The following PIEZO1 variants were observed in gnomAD, a reference collection of about 807,000 sequenced individuals.
The protein encoded by PIEZO1 is piezo-type mechanosensitive ion channel component 1.
PIEZO1 carries 296 observed loss-of-function variants against 297.2 expected under a neutral mutation model. The observed-to-expected ratio is 1.00, with a 90% CI of 0.91 to 1.10. The LOEUF is 1.10. Among genes scored for constraint, PIEZO1 ranks in the 50% least tolerant of loss-of-function variants. The pLI is 0.00. For synonymous variants in PIEZO1, 2,427 were observed against 1,507.5 expected, an observed-to-expected ratio of 1.61 and a Z score of -14.13; for missense variants, 5,018 against 3,455.5, an observed-to-expected ratio of 1.45 and a Z score of -11.34.
At chr16:88,758,968 CT>C (rs1423995374) in intron 1 of PIEZO1, among the ~76,000 whole-genome samples, 34 of 152,250 alleles carry the variant, frequency 2.2e-4, no homozygotes, top group African/African-American at 7.2e-4. Flanking sequence ...GACAAAAAGG[CT>C]GAGGAAGATC....
chr16:88,717,362 T>C (rs1483451614), intron 44 of PIEZO1, 151 bp from the exon 45 acceptor site: 5 of 690,996 alleles, frequency 7.2e-6, no homozygotes, highest in African/African-American at 7.0e-5. Context: ...CACAGGCCAG[T>C]GGAGTAGAAC....
chr16:88,757,070 C>T (rs967162109), intron 1 of PIEZO1, among the ~76,000 whole-genome samples: 14 of 152,086 alleles, frequency 9.2e-5, no homozygotes, highest in Admixed American at 2.6e-4. Flanking sequence ...AGCGAGACTC[C>T]GTCTCAAAAC....
chr16:88,726,282 G>T lies in PIEZO1; in HGVS notation c.3968+2C>A. On this transcript the variant is annotated splice_donor_variant, in intron 27 of 50. Coordinates refer to ENST00000301015, the MANE Select transcript of PIEZO1 (RefSeq NM_001142864.4). LOFTEE classifies it high-confidence loss of function. Reference sequence around the variant, plus strand: ...CTGGGCTGTGTCTGGGCCCAAGCTTGCCTGGAGGCTAGCAGGGCGGTGGCC... The same window carrying T: ...CTGGGCTGTGTCTGGGCCCAAGCTTTCCTGGAGGCTAGCAGGGCGGTGGCC... 1.9e-6 allele frequency: 3 copies of T among 1,546,448 alleles called. No individual in the cohort carries two copies. Among genetic ancestry groups the T allele is most frequent in the Middle Eastern group, 1.8e-4 (1 of 5,542 alleles).
intron 33 of PIEZO1, 25 bp downstream of exon 33, chr16:88,723,070 A>G (rs1419851223): frequency 1.9e-6 from 3 of 1,545,040 alleles, no homozygotes; most frequent in Non-Finnish European, 8.7e-7. Context: ...GAGACCTCCC[A>G]CTCCCCAGCC....
Position 88,724,479 on chromosome 16 carries a change from C to A in PIEZO1, c.4235-508G>T, listed in dbSNP as rs547242728. Among the ~76,000 whole-genome samples the A allele has an allele frequency of 4.0e-5, 6 of 149,864 alleles. No homozygotes were observed. In the South Asian group the frequency reaches 1.3e-3, roughly 32 times the overall value. ...CTGGGAGGTGGGGGTTGTAGTGAGC[C>A]GCAATCACGCCATTGCACTGTAGCC... On this transcript the variant is annotated intron_variant, in intron 30 of 50. Transcript: ENST00000301015.
At position 88,738,577 on chromosome 16, in the gene PIEZO1, CA is replaced by C; in HGVS notation, c.624del (p.Ala209HisfsTer147). 1 of 1,535,208 alleles carries C rather than the reference CA, an allele frequency of 6.5e-7. No individual in the cohort carries two copies. Among genetic ancestry groups the C allele is most frequent in the Non-Finnish European group, 8.7e-7 (1 of 1,146,442 alleles). On this transcript the variant is annotated frameshift_variant, in exon 6 of 51. Coordinates refer to ENST00000301015, the MANE Select transcript of PIEZO1 (RefSeq NM_001142864.4). LOFTEE classifies it high-confidence loss of function. Reference sequence around the variant, plus strand: ...CTGCCTCGGTGCGTACCTGCCAGTGCAAGCAGTGTTACGGCCAGGACCCGCC... The same window carrying C: ...CTGCCTCGGTGCGTACCTGCCAGTGCAGCAGTGTTACGGCCAGGACCCGCC... ...AAGRVLAVTL[L>X]ALAGIAHPSA...
intron 1 of PIEZO1, among the ~76,000 whole-genome samples, chr16:88,765,596 T>G (rs555838952): frequency 6.6e-6 from 1 of 151,666 alleles, no homozygotes; most frequent in East Asian, 1.9e-4. Flanking sequence ...CTCGTATAGC[T>G]GGCAAGGGGC....
rs1055103374 is a variant in PIEZO1, at chr16:88,719,954, G to T, written c.6171C>A (p.Phe2057Leu). 1.3e-6 allele frequency: 2 copies of T among 1,550,134 alleles called. No individual in the cohort carries two copies. Among genetic ancestry groups the T allele is most frequent in the African/African-American group, 1.4e-5 (1 of 73,026 alleles). The change falls in exon 43 of 51, where the codon TTC (phenylalanine) becomes TTA (leucine). Residue 2057 changes from phenylalanine (F) to leucine (L), a missense_variant. Transcript: ENST00000301015. ...FILPAVTERM[F>L]NQNVVAQLWY... ...AGAGCTGGGCCACCACATTCTGGTT[G>T]AACATCCTGGGGCGGGATGGCCAGG...
chr16:88,719,453 AT>A, intron 44 of PIEZO1, 120 bp downstream of exon 44: 1 of 921,446 alleles, frequency 1.1e-6, no homozygotes, highest in Non-Finnish European at 1.6e-6. Context: ...TCATGTCCCC[AT>A]GGGCTCCGAG....
intron 44 of PIEZO1, 88 bp from the exon 45 acceptor site, chr16:88,717,299 G>A: frequency 8.0e-7 from 1 of 1,251,654 alleles, no homozygotes; most frequent in Non-Finnish European, 1.1e-6. Flanking sequence ...CAGCAGCCCA[G>A]AAAAGCCCCA....
rs372159659 is a variant in PIEZO1, at chr16:88,721,601, G to C, written c.5340C>G (p.Asp1780Glu). 36 of 1,550,160 alleles carry C rather than the reference G, an allele frequency of 2.3e-5. No individual in the cohort carries two copies. Among genetic ancestry groups the C allele is most frequent in the South Asian group, 8.3e-5 (7 of 84,062 alleles). ...PPRILGLEKTDGYIKYDLVQL... is the reference protein window; with the variant it reads ...PPRILGLEKTEGYIKYDLVQL... ...GCACCAGGTCGTACTTGATGTAGCC[G>C]TCAGTCTTCTCCAGGCCCAGGATGC... Residue 1780 changes from aspartate (D) to glutamate (E), a missense_variant, in exon 38 of 51, where the codon GAC becomes GAG. Asp to Glu is a conservative substitution (Grantham distance 45). Transcript: ENST00000301015.
In PIEZO1 at chr16:88,724,369, A is replaced by G. The variant is rs912012362; in HGVS notation, c.4235-398T>C. 4.6e-5 allele frequency among the ~76,000 whole-genome samples: 7 copies of G among 152,170 alleles called. No individual in the cohort carries two copies. The South Asian group carries it at 1.2e-3, about 27-fold the overall frequency. ...AATATGGTGAAACCCCATCTCTACT[A>G]AAAATACGAAAATTAGCTGGGCGTG... On this transcript the variant is annotated intron_variant, in intron 30 of 50. Transcript: ENST00000301015.
At chr16:88,716,523 C>A in intron 47 of PIEZO1, 36 bp downstream of exon 47, 1 of 1,535,898 alleles carries the variant, frequency 6.5e-7, no homozygotes, top group Middle Eastern at 1.7e-4. Context: ...GTAGTGGGTC[C>A]ACCCACCCAG....
intron 4 of PIEZO1, 34 bp downstream of exon 4, chr16:88,742,019 G>A: frequency 6.5e-7 from 1 of 1,533,986 alleles, no homozygotes; most frequent in Non-Finnish European, 8.7e-7. Flanking sequence ...CCCAAGGGAG[G>A]CTTGCTGGTT....
chr16:88,716,861 A>G lies in PIEZO1; in HGVS notation c.6698T>C (p.Ile2233Thr). ...FTMSAQQPSI[I>T]PFTAQAYEEL... ...CTCATAGGCCTGGGCCGTGAAGGGGATGATGGACGGCTGCTGGGCGCTCAT... is the reference window on the plus strand; with the variant it reads ...CTCATAGGCCTGGGCCGTGAAGGGGGTGATGGACGGCTGCTGGGCGCTCAT... The change falls in exon 46 of 51, where the codon ATC becomes ACC. Residue 2233 changes from isoleucine (I) to threonine (T), a missense_variant. Physicochemically the swap from Ile to Thr is moderately conservative, Grantham distance 89 (BLOSUM62 -1). Coordinates refer to ENST00000301015, the MANE Select transcript of PIEZO1 (RefSeq NM_001142864.4). The G allele has an allele frequency of 2.6e-6, 4 of 1,550,000 alleles. No individual in the cohort carries two copies. The highest frequency in any genetic ancestry group is 3.5e-6 in the Non-Finnish European group (4 of 1,146,938).
chr16:88,751,304 T>C (rs1463091890), intron 1 of PIEZO1, among the ~76,000 whole-genome samples: 1 of 152,042 alleles, frequency 6.6e-6, no homozygotes, highest in Non-Finnish European at 1.5e-5. Flanking sequence ...TCCAGACCCA[T>C]CTCCCCATTG....
chr16:88,721,220 G>T lies in PIEZO1; in HGVS notation c.5614C>A (p.Arg1872Ser). 1 of 1,536,140 alleles carries T rather than the reference G, an allele frequency of 6.5e-7. No homozygotes were observed. The highest frequency in any genetic ancestry group is 1.2e-5 in the South Asian group (1 of 83,928). ...CCCTCCTTCTTCCTTCTTCTAAAAC[G>T]TAGACTGATGCGCCTCGTATCACGG... ...RPRDTRRISL[R>S]FRRRKKEGPA... Residue 1872 changes from arginine (R) to serine (S), a missense_variant, in exon 39 of 51, where the codon CGT becomes AGT. Physicochemically the swap from Arg to Ser is moderately radical, Grantham distance 110. Coordinates refer to ENST00000301015, the MANE Select transcript of PIEZO1 (RefSeq NM_001142864.4).
chr16:88,755,723 A>C (rs1906621640), intron 1 of PIEZO1, among the ~76,000 whole-genome samples: 1 of 152,150 alleles, frequency 6.6e-6, no homozygotes, highest in South Asian at 2.1e-4. Flanking sequence ...TCCCATCTCC[A>C]AAGGGGACAG....
Position 88,732,632 on chromosome 16 carries a change from C to G in PIEZO1, c.2765G>C (p.Gly922Ala), listed in dbSNP as rs575773932. The G allele has an allele frequency of 3.5e-5, 54 of 1,549,562 alleles. No homozygotes were observed. Among genetic ancestry groups the G allele is most frequent in the African/African-American group, 2.2e-4 (16 of 73,162 alleles). The stretch of plus-strand genomic sequence containing the variant: ...CTGGATGTAGCCCAGGTTGGGGAAC[C>G]CTTTCCGCACCCCAAACCAGTTGGC... The part of the protein sequence containing the change: ...DPANWFGVRK[G>A]FPNLGYIQNH... Residue 922 changes from glycine (G) to alanine (A), a missense_variant, in exon 20 of 51, where the codon GGG becomes GCG. By Grantham distance (60) the Gly-to-Ala change is moderately conservative. Coordinates refer to ENST00000301015, the MANE Select transcript of PIEZO1 (RefSeq NM_001142864.4).
Sources: allele counts gnomAD v4.1 joint callset (sites outside exome capture counted in the v4.1 genomes callset), GRCh38; gene constraint gnomAD v4.1.1; transcripts MANE v1.5; gene names NCBI Gene and HGNC (gene_info 2026-07-23, HGNC 2026-07-21).